The following BCAS4 variants were observed in gnomAD, a reference collection of about 807,000 sequenced individuals.
BCAS4 encodes the protein breast carcinoma-amplified sequence 4.
A neutral mutation model predicts 15.7 loss-of-function variants in BCAS4; 9 were observed. The observed-to-expected ratio is 0.57, with a 90% CI of 0.34 to 1.00. BCAS4 has a LOEUF of 1.00. BCAS4 is among the 50% of genes least tolerant of loss of function. BCAS4 has a pLI of 0.02. For synonymous variants in BCAS4, 101 were observed against 99.5 expected (o/e 1.02, Z -0.09); for missense variants, 225 against 239.1 (o/e 0.94, Z 0.39).
intron 1 of BCAS4, among the ~76,000 whole-genome samples, chr20:50,816,768 A>G (rs1035553976): frequency 9.8e-5 from 14 of 143,450 alleles, no homozygotes; most frequent in African/African-American, 3.4e-4. Context: ...GGGACTACAG[A>G]CATGCACCAC....
chr20:50,870,649 A>AT (rs1479860464), intron 4 of BCAS4, among the ~76,000 whole-genome samples: 2 of 152,146 alleles, frequency 1.3e-5, no homozygotes, highest in African/African-American at 2.4e-5. Context: ...CAATGGTCTG[A>AT]TTTTCCAAGA....
chr20:50,859,866 G>A (rs368603741), intron 4 of BCAS4, among the ~76,000 whole-genome samples: 17 of 152,324 alleles, frequency 1.1e-4, no homozygotes, highest in African/African-American at 3.6e-4. Flanking sequence ...GAGGCCGGAC[G>A]CGGTGGCTCA....
chr20:50,856,435 G>A (rs1978764160), intron 4 of BCAS4, among the ~76,000 whole-genome samples: 1 of 152,210 alleles, frequency 6.6e-6, no homozygotes, highest in Non-Finnish European at 1.5e-5. Context: ...AATTAACCTG[G>A]GAACCTCAGC....
chr20:50,849,025 G>A (rs973093401), intron 4 of BCAS4, among the ~76,000 whole-genome samples: 4 of 152,228 alleles, frequency 2.6e-5, no homozygotes, highest in Non-Finnish European at 4.4e-5. Context: ...GGAGCCCTGC[G>A]GGCTGCGGAC....
At chr20:50,805,835 C>T (rs916083720) in intron 1 of BCAS4, among the ~76,000 whole-genome samples, 3 of 151,962 alleles carry the variant, frequency 2.0e-5, no homozygotes, top group African/African-American at 4.8e-5. Flanking sequence ...CTTAGCCAGG[C>T]GTGGTGGTGT....
At chr20:50,840,251 T>C (rs761237003) in intron 3 of BCAS4, among the ~76,000 whole-genome samples, 2 of 152,226 alleles carry the variant, frequency 1.3e-5, no homozygotes, top group African/African-American at 2.4e-5. Context: ...ATTTAAAAAA[T>C]TGTGCATTCC....
At chr20:50,844,006 T>C (rs567974143) in intron 4 of BCAS4, among the ~76,000 whole-genome samples, 4 of 152,162 alleles carry the variant, frequency 2.6e-5, no homozygotes, top group African/African-American at 9.6e-5. Flanking sequence ...TAGCTGGGCA[T>C]GGTGGCGCAT....
intron 1 of BCAS4, among the ~76,000 whole-genome samples, chr20:50,817,466 CAT>C (rs1405134198): frequency 6.6e-6 from 1 of 152,046 alleles, no homozygotes; most frequent in African/African-American, 2.4e-5. Context: ...TCTGTGAAGA[CAT>C]GTACTTTTTT....
rs1416905320 is a variant in BCAS4 at position 50,835,524 on chromosome 20, G to A, written c.264+5144G>A. The stretch of plus-strand genomic sequence containing the variant: ...CTCCTAAAGTGCTGGGATTACAGGC[G>A]TGAGCCACCATGCCTGGCCTACTAT... On this transcript the variant is annotated intron_variant, in intron 3 of 4. Transcript: ENST00000371608. Among the ~76,000 whole-genome samples the A allele has an allele frequency of 4.6e-5, 7 of 152,222 alleles. No homozygotes were observed. In the South Asian group the frequency reaches 1.5e-3, roughly 32 times the overall value.
chr20:50,818,579 C>T (rs1036479837), intron 2 of BCAS4, among the ~76,000 whole-genome samples: 1 of 152,228 alleles, frequency 6.6e-6, no homozygotes, highest in Non-Finnish European at 1.5e-5. Context: ...CACTCTCGGG[C>T]ACCGATGCAG....
At chr20:50,869,925 T>G (rs915054784) in intron 4 of BCAS4, among the ~76,000 whole-genome samples, 17 of 152,024 alleles carry the variant, frequency 1.1e-4, no homozygotes, top group African/African-American at 3.9e-4. Flanking sequence ...ATTTTTGTAT[T>G]TTTAGTAGAG....
intron 1 of BCAS4, among the ~76,000 whole-genome samples, chr20:50,813,592 G>A (rs758696834): frequency 6.6e-6 from 1 of 152,016 alleles, no homozygotes; most frequent in Non-Finnish European, 1.5e-5. Context: ...GAAGAGTCAA[G>A]GGTGCTCCGA....
At chr20:50,804,745 C>T (rs1481260575) in intron 1 of BCAS4, among the ~76,000 whole-genome samples, 2 of 152,164 alleles carry the variant, frequency 1.3e-5, no homozygotes, top group Non-Finnish European at 2.9e-5. Flanking sequence ...GAGTAGTCAG[C>T]CCCTTCTGGA....
chr20:50,831,248 G>A (rs914489529), intron 3 of BCAS4, among the ~76,000 whole-genome samples: 2 of 152,064 alleles, frequency 1.3e-5, no homozygotes, highest in Admixed American at 6.5e-5. Flanking sequence ...GGCCAACCTG[G>A]TGAAACCCTG....
chr20:50,841,674 A>C, intron 3 of BCAS4, 92 bp from the exon 4 acceptor site: 1 of 1,548,022 alleles, frequency 6.5e-7, no homozygotes. Context: ...CAGTGATGAA[A>C]GGCCTGGAGT....
intron 4 of BCAS4, among the ~76,000 whole-genome samples, chr20:50,856,170 G>A (rs1045853728): frequency 6.6e-6 from 1 of 152,196 alleles, no homozygotes; most frequent in Admixed American, 6.5e-5. Flanking sequence ...GAGGTGAGTC[G>A]TTTGTCAGTG....
intron 2 of BCAS4, among the ~76,000 whole-genome samples, chr20:50,823,441 G>A (rs1177729494): frequency 1.3e-5 from 2 of 152,102 alleles, no homozygotes; most frequent in African/African-American, 4.8e-5. Flanking sequence ...ATTGATTTAT[G>A]CATATATTGG....
intron 1 of BCAS4, among the ~76,000 whole-genome samples, chr20:50,815,317 C>T (rs1042511578): frequency 7.9e-5 from 12 of 152,174 alleles, no homozygotes; most frequent in Non-Finnish European, 1.3e-4. Flanking sequence ...CATGGGCTTC[C>T]GTGGCCTCCC....
intron 3 of BCAS4, 83 bp from the exon 4 acceptor site, chr20:50,841,683 G>A: frequency 6.3e-7 from 1 of 1,588,730 alleles, no homozygotes; most frequent in Non-Finnish European, 8.6e-7. Context: ...AAGGCCTGGA[G>A]TCCCCACCAG....
Sources: gnomAD v4.1 joint callset for allele counts (sites outside exome capture counted in the v4.1 genomes callset) on GRCh38, gnomAD v4.1.1 for gene constraint, MANE v1.5 for transcripts, NCBI Gene and HGNC (gene_info 2026-07-23, HGNC 2026-07-21) for gene names.